Variants in SUGCT observed in about 807,000 individuals in gnomAD.
SUGCT encodes succinyl-CoA:glutarate-CoA transferase.
A neutral mutation model predicts 55.0 loss-of-function variants in SUGCT; 41 were observed. The ratio of observed to expected loss-of-function variants is 0.74; its 90% CI spans 0.58 to 0.97. SUGCT has a LOEUF of 0.97. Among genes scored for constraint, SUGCT ranks in the 50% least tolerant of loss-of-function variants. SUGCT has a pLI of 0.00. For missense variants in SUGCT, 568 were observed against 547.8 expected (o/e 1.04, Z -0.37); for synonymous variants, 187 against 200.4 (o/e 0.93, Z 0.56).
chr7:40,963,801 G>C, the SUGCT span, among the ~76,000 whole-genome samples: 1 of 152,164 alleles, frequency 6.6e-6, no homozygotes, highest in Admixed American at 6.5e-5. Flanking sequence ...CAAGATAGAA[G>C]TTAAAAGTAA....
chr7:40,487,000 T>G (rs1371697447), intron 11 of SUGCT, among the ~76,000 whole-genome samples: 1 of 151,784 alleles, frequency 6.6e-6, no homozygotes, highest in Non-Finnish European at 1.5e-5. Context: ...CATTTGTGAA[T>G]TTTCTAAAGT....
chr7:40,135,165 C>T (rs1484744138), intron 1 of SUGCT, 45 bp downstream of exon 1: 5 of 1,508,882 alleles, frequency 3.3e-6, no homozygotes, highest in Non-Finnish European at 4.4e-6. Context: ...GATCCCTGCC[C>T]CAGCTTGCCT....
intron 12 of SUGCT, chr7:40,498,974 A>T: frequency 2.4e-6 from 1 of 418,458 alleles, no homozygotes; most frequent in Non-Finnish European, 4.8e-6. Context: ...TTTATTTTTC[A>T]TTTTCCGTAA....
the SUGCT span, among the ~76,000 whole-genome samples, chr7:40,900,247 T>C: frequency 1.5e-4 from 23 of 152,230 alleles, no homozygotes; most frequent in Admixed American, 1.5e-3. Context: ...TGAAGCCACA[T>C]TTCTAACCGC....
intron 12 of SUGCT, among the ~76,000 whole-genome samples, chr7:40,563,719 A>G (rs1268954111): frequency 2.0e-5 from 3 of 150,368 alleles, no homozygotes; most frequent in Non-Finnish European, 3.0e-5. Flanking sequence ...CTCTAATGAT[A>G]ATAATAATAA....
At chr7:40,469,003 C>T (rs897109807) in intron 11 of SUGCT, among the ~76,000 whole-genome samples, 4 of 152,118 alleles carry the variant, frequency 2.6e-5, no homozygotes, top group Non-Finnish European at 4.4e-5. Context: ...ATGGAAGTGT[C>T]TTTTAAATCC....
chr7:40,806,623 A>G (rs1791107235), intron 13 of SUGCT, among the ~76,000 whole-genome samples: 1 of 152,160 alleles, frequency 6.6e-6, no homozygotes, highest in African/African-American at 2.4e-5. Context: ...CATCATGAAT[A>G]TTGATTCTGA....
chr7:40,690,464 G>A (rs1784644982), intron 12 of SUGCT, among the ~76,000 whole-genome samples: 1 of 151,836 alleles, frequency 6.6e-6, no homozygotes, highest in Admixed American at 6.6e-5. Context: ...ATATTAATAG[G>A]TATATTATGC....
chr7:40,409,112 A>C (rs1410972871), intron 9 of SUGCT, among the ~76,000 whole-genome samples: 3 of 151,418 alleles, frequency 2.0e-5, no homozygotes, highest in Non-Finnish European at 4.4e-5. Context: ...AAGCCACTGC[A>C]CCTGGCCAAG....
At chr7:40,297,571 C>A (rs921132703) in intron 8 of SUGCT, among the ~76,000 whole-genome samples, 11 of 151,890 alleles carry the variant, frequency 7.2e-5, no homozygotes, top group Admixed American at 6.6e-5. Flanking sequence ...GCACATTGAC[C>A]TCTTTCGCTA....
rs147984408 is a variant in SUGCT at position 40,728,799 on chromosome 7, G to A, written c.1090-20635G>A. Among the ~76,000 whole-genome samples, 405 of 152,266 alleles carry A rather than the reference G, an allele frequency of 2.7e-3. 6 individuals carry two copies. The highest frequency in any genetic ancestry group is 9.2e-3 in the African/African-American group (383 of 41,548). ...TTCTATAGGTCCAGTCTGTGGAGTG[G>A]CTACATAAGGGAGACATCTTGATGA... On this transcript the variant is annotated intron_variant, in intron 12 of 13. Coordinates refer to ENST00000335693, the MANE Select transcript of SUGCT (RefSeq NM_001193313.2).
chr7:40,219,108 A>G (rs1156358176), intron 6 of SUGCT, among the ~76,000 whole-genome samples: 1 of 152,212 alleles, frequency 6.6e-6, no homozygotes, highest in Admixed American at 6.5e-5. Flanking sequence ...TGGAGGAACG[A>G]ACAACTCTGG....
the SUGCT span, among the ~76,000 whole-genome samples, chr7:41,035,334 C>A: frequency 6.6e-6 from 1 of 152,222 alleles, no homozygotes; most frequent in Non-Finnish European, 1.5e-5. Context: ...CCCTCTTACT[C>A]CTACAGCAGG....
intron 7 of SUGCT, among the ~76,000 whole-genome samples, chr7:40,253,951 T>A (rs1458695159): frequency 6.6e-6 from 1 of 152,266 alleles, no homozygotes; most frequent in Non-Finnish European, 1.5e-5. Flanking sequence ...ACTGCTCAGT[T>A]TAGTTTAGTT....
chr7:40,875,121 T>G, the SUGCT span, among the ~76,000 whole-genome samples: 4 of 152,262 alleles, frequency 2.6e-5, no homozygotes, highest in African/African-American at 2.4e-5. Flanking sequence ...ACATGTTTTC[T>G]TCTGAGATAG....
At chr7:40,597,954 G>A (rs1305001742) in intron 12 of SUGCT, among the ~76,000 whole-genome samples, 11 of 148,424 alleles carry the variant, frequency 7.4e-5, no homozygotes, top group African/African-American at 2.2e-4. Context: ...TAGTTTCTCC[G>A]AAAAAAAAAA....
chr7:40,237,523 G>C, intron 6 of SUGCT, 112 bp from the exon 7 acceptor site: 1 of 825,830 alleles, frequency 1.2e-6, no homozygotes, highest in Non-Finnish European at 2.1e-6. Context: ...AGATCTAATA[G>C]TCTCGAAATG....
At chr7:40,361,138 A>G (rs1798130384) in intron 9 of SUGCT, among the ~76,000 whole-genome samples, 1 of 152,076 alleles carries the variant, frequency 6.6e-6, no homozygotes, top group East Asian at 1.9e-4. Context: ...ATGAGGGAGT[A>G]ATGACTTTAC....
At chr7:41,029,988 GT>G in the SUGCT span, among the ~76,000 whole-genome samples, 2 of 152,148 alleles carry the variant, frequency 1.3e-5, no homozygotes, top group Non-Finnish European at 2.9e-5. Flanking sequence ...TTTCCACAAT[GT>G]TATAGAGTTG....
Sources: allele counts gnomAD v4.1 joint callset (sites outside exome capture counted in the v4.1 genomes callset), GRCh38; gene constraint gnomAD v4.1.1; transcripts MANE v1.5; gene names NCBI Gene and HGNC (gene_info 2026-07-23, HGNC 2026-07-21).